RAG1: variants seen among roughly 807,000 people sequenced by gnomAD.
RAG1 encodes recombination activating 1, also known as V(D)J recombination-activating protein 1.
In RAG1, 35 loss-of-function variants were observed where a neutral mutation model predicts 62.7. The ratio of observed to expected loss-of-function variants is 0.56; its 90% CI spans 0.43 to 0.74. The LOEUF is 0.74. Among genes scored for constraint, RAG1 ranks in the 30% least tolerant of loss-of-function variants. The pLI, the probability that RAG1 is intolerant of heterozygous loss-of-function variation, is 0.00. For missense variants in RAG1, 1,169 were observed against 1,278.6 expected (o/e 0.91, Z 1.31); for synonymous variants, 461 against 470.3 (o/e 0.98, Z 0.26).
In RAG1 at chr11:36,576,290, T is replaced by C; in HGVS notation, c.2986T>C (p.Leu996=). 6.2e-7 allele frequency: 1 copy of C among 1,614,048 alleles called. No homozygotes were observed. Among genetic ancestry groups the C allele is most frequent in the South Asian group, 1.1e-5 (1 of 91,076 alleles). The change falls in exon 2 of 2, where the codon TTG becomes CTG. Residue 996 remains leucine (L), a synonymous_variant. Transcript: ENST00000299440. ...EMEDVLKHHW[L]YTSKYLQKFM... ...GGAAGATGTCCTGAAACACCACTGG[T>C]TGTACACCTCCAAATACCTCCAGAA...
intron 2 of RAG1, among the ~76,000 whole-genome samples, chr11:36,520,734 G>T (rs867054861): frequency 2.0e-5 from 3 of 152,222 alleles, no homozygotes; most frequent in Non-Finnish European, 4.4e-5. Flanking sequence ...GTCCAGGCCA[G>T]TGAGACATTA....
At chr11:36,541,617 G>A (rs1169904391) in intron 3 of RAG1, among the ~76,000 whole-genome samples, 1 of 152,092 alleles carries the variant, frequency 6.6e-6, no homozygotes, top group East Asian at 1.9e-4. Flanking sequence ...ATAAGAAACA[G>A]GAAATACTAG....
At chr11:36,523,516 G>A (rs1860113610) in intron 2 of RAG1, among the ~76,000 whole-genome samples, 1 of 152,010 alleles carries the variant, frequency 6.6e-6, no homozygotes, top group Non-Finnish European at 1.5e-5. Flanking sequence ...AGTGTGAAAT[G>A]GGCTAATACA....
intron 3 of RAG1, among the ~76,000 whole-genome samples, chr11:36,548,794 A>T (rs1301648474): frequency 6.6e-6 from 1 of 152,204 alleles, no homozygotes; most frequent in Non-Finnish European, 1.5e-5. Flanking sequence ...TATGGAACCA[A>T]AAAAGAGCCC....
At chr11:36,546,902 G>T (rs1164718988) in intron 3 of RAG1, among the ~76,000 whole-genome samples, 1 of 152,122 alleles carries the variant, frequency 6.6e-6, no homozygotes, top group Non-Finnish European at 1.5e-5. Flanking sequence ...CTTCGGGCTT[G>T]CAGGGTTTCT....
At chr11:36,528,994 A>G (rs1860210163) in intron 2 of RAG1, among the ~76,000 whole-genome samples, 1 of 152,166 alleles carries the variant, frequency 6.6e-6, no homozygotes, top group South Asian at 2.1e-4. Context: ...AAATTGGGGC[A>G]ATAATTAATA....
At chr11:36,539,620 G>A (rs1040450128), downstream of RAG1, among the ~76,000 whole-genome samples, 9 of 152,142 alleles carry the variant, frequency 5.9e-5, no homozygotes, top group African/African-American at 2.2e-4. Flanking sequence ...GAGTGGCTGG[G>A]ACTACAGGTA....
In RAG1 at chr11:36,542,675, G is replaced by A. The variant is rs114818747; in HGVS notation, c.-412+6641G>A. Among the ~76,000 whole-genome samples the A allele has an allele frequency of 1.0e-3, 155 of 152,262 alleles. 1 individual carries two copies. The highest frequency in any genetic ancestry group is 3.4e-3 in the African/African-American group (140 of 41,548). ...GAGGAGAATTGGGAGTGTGGCCTCC[G>A]AGGCATTGAATGGTACAGAAAACAG... On this transcript the variant is annotated intron_variant and NMD_transcript_variant, in intron 3 of 9. Coordinates refer to the RAG1 transcript ENST00000534663.
chr11:36,517,668 T>C (rs1860014351), intron 1 of RAG1, among the ~76,000 whole-genome samples: 1 of 152,210 alleles, frequency 6.6e-6, no homozygotes, highest in Admixed American at 6.5e-5. Context: ...TAATACCTTG[T>C]GATTATTAAG....
intron 3 of RAG1, among the ~76,000 whole-genome samples, chr11:36,551,426 G>A (rs930276128): frequency 5.3e-5 from 8 of 151,900 alleles, no homozygotes; most frequent in Admixed American, 5.3e-4. Flanking sequence ...AGATTAAGGT[G>A]TTAGTGGAAT....
chr11:36,517,411 G>T (rs1010290814), intron 1 of RAG1, among the ~76,000 whole-genome samples: 2 of 152,036 alleles, frequency 1.3e-5, no homozygotes, highest in Non-Finnish European at 2.9e-5. Flanking sequence ...TGGGGTGGGG[G>T]GAATATACAA....
Position 36,546,185 on chromosome 11 carries a change from T to C in RAG1, c.-412+10151T>C, listed in dbSNP as rs1850390518. Among the ~76,000 whole-genome samples the C allele has an allele frequency of 2.0e-5, 3 of 152,322 alleles. No individual in the cohort carries two copies. The South Asian group carries it at 6.2e-4, about 32-fold the overall frequency. On this transcript the variant is annotated intron_variant and NMD_transcript_variant, in intron 3 of 9. Transcript: ENST00000534663. ...TAATATTGACAGTGGGGTGTTAAAG[T>C]CTCCCACTATTATTGTGTGGGATTC...
At position 36,576,041 on chromosome 11, in the gene RAG1, A is replaced by G; in HGVS notation, c.2737A>G (p.Ser913Gly). The change falls in exon 2 of 2, where the codon AGT becomes GGT. Residue 913 changes from serine to glycine, a missense_variant. Coordinates refer to ENST00000299440, the MANE Select transcript of RAG1 (RefSeq NM_000448.3). The stretch of plus-strand genomic sequence containing the variant: ...GTGCCCAGAATCCCTCTGCCAGTAC[A>G]GTTTCAATTCACAGCGTTTTGCTGA... ...KECPESLCQY[S>G]FNSQRFAELL... The G allele has an allele frequency of 8.7e-6, 14 of 1,614,128 alleles. No homozygotes were observed. Among genetic ancestry groups the G allele is most frequent in the Non-Finnish European group, 1.2e-5 (14 of 1,180,036 alleles).
At chr11:36,525,309 A>G (rs757391849) in intron 2 of RAG1, among the ~76,000 whole-genome samples, 1 of 152,174 alleles carries the variant, frequency 6.6e-6, no homozygotes, top group South Asian at 2.1e-4. Context: ...TAGCTATATA[A>G]TAAGTCTTGA....
rs142211140 is a variant in RAG1, at chr11:36,543,378, C to T, written c.-412+7344C>T. Among the ~76,000 whole-genome samples, 12 of 152,350 alleles carry T rather than the reference C, an allele frequency of 7.9e-5. No individual in the cohort carries two copies. The East Asian group carries it at 1.7e-3, about 22-fold the overall frequency. ...TCCCTCTGATGCCCTGTACCCCACA[C>T]GGCTTTACTGCCTCTGCTGCTGCCA... On this transcript the variant is annotated intron_variant and NMD_transcript_variant, in intron 3 of 9. Transcript: ENST00000534663.
intron 1 of RAG1, among the ~76,000 whole-genome samples, chr11:36,513,698 C>T (rs1859957071): frequency 2.0e-5 from 3 of 152,186 alleles, no homozygotes; most frequent in Non-Finnish European, 2.9e-5. Flanking sequence ...GGGGAAGCCT[C>T]ACAATCATGG....
downstream of RAG1, among the ~76,000 whole-genome samples, chr11:36,537,026 G>A (rs1439923848): frequency 6.6e-6 from 1 of 151,338 alleles, no homozygotes; most frequent in Non-Finnish European, 1.5e-5. Flanking sequence ...CCAAAGTGCT[G>A]GGATTACAGG....
At chr11:36,567,832 A>T (rs1850682192), upstream of RAG1, among the ~76,000 whole-genome samples, 1 of 152,178 alleles carries the variant, frequency 6.6e-6, no homozygotes, top group South Asian at 2.1e-4. Flanking sequence ...AAACTCTCGC[A>T]CATGGTTCTA....
intron 3 of RAG1, among the ~76,000 whole-genome samples, chr11:36,548,029 T>C (rs987971887): frequency 6.6e-6 from 1 of 152,130 alleles, no homozygotes; most frequent in African/African-American, 2.4e-5. Flanking sequence ...AAAAACTACA[T>C]GATTATATCA....
Sources: gnomAD v4.1 joint callset for allele counts (sites outside exome capture counted in the v4.1 genomes callset) on GRCh38, gnomAD v4.1.1 for gene constraint, MANE v1.5 for transcripts, NCBI Gene and HGNC (gene_info 2026-07-23, HGNC 2026-07-21) for gene names.